Variants in GRID2 observed in about 807,000 individuals in gnomAD.
The protein encoded by GRID2 is glutamate ionotropic receptor delta type subunit 2, also known as glutamate receptor ionotropic, delta-2.
Under a neutral mutation model 114.8 loss-of-function variants are expected in GRID2, and 33 were observed. That is an observed-to-expected ratio of 0.29 (90% confidence interval 0.22 to 0.38). GRID2 has a LOEUF of 0.38. Among genes scored for constraint, GRID2 ranks in the 10% least tolerant of loss-of-function variants. The probability of loss-of-function intolerance (pLI) is 1.00; values close to 1 mark genes in which losing one functional copy is unlikely to be tolerated. For synonymous variants in GRID2, 505 were observed against 449.9 expected, an observed-to-expected ratio of 1.12 and a Z score of -1.55; for missense variants, 1,184 against 1,257.7, an observed-to-expected ratio of 0.94 and a Z score of 0.89.
intron 13 of GRID2, among the ~76,000 whole-genome samples, chr4:93,578,021 T>A (rs1372857361): frequency 6.6e-6 from 1 of 152,204 alleles, no homozygotes; most frequent in Non-Finnish European, 1.5e-5. Flanking sequence ...AATTGCTCTC[T>A]GGATGTGTGT....
chr4:93,508,711 G>T (rs1728887441), intron 12 of GRID2, among the ~76,000 whole-genome samples: 2 of 152,146 alleles, frequency 1.3e-5, no homozygotes, highest in South Asian at 2.1e-4. Flanking sequence ...GCTAGATCTG[G>T]ATTTCAAAGA....
At chr4:92,809,034 T>C (rs922703558) in intron 2 of GRID2, among the ~76,000 whole-genome samples, 5 of 151,920 alleles carry the variant, frequency 3.3e-5, no homozygotes, top group African/African-American at 9.7e-5. Flanking sequence ...CATAGTATAA[T>C]TGCGGAAATA....
chr4:93,210,780 A>C (rs996966497), intron 5 of GRID2, among the ~76,000 whole-genome samples: 2 of 152,034 alleles, frequency 1.3e-5, no homozygotes, highest in African/African-American at 4.8e-5. Flanking sequence ...TGAAATTTCT[A>C]CTGCCTCAGT....
chr4:92,540,212 A>G (rs1235003239), intron 1 of GRID2, among the ~76,000 whole-genome samples: 4 of 152,162 alleles, frequency 2.6e-5, no homozygotes, highest in Non-Finnish European at 5.9e-5. Context: ...AACCTAGGCA[A>G]TACCATTCAG....
In GRID2 at chr4:93,704,212, A is replaced by G. The variant is rs561157129; in HGVS notation, c.2361-64998A>G. ...TCTAATTGGTGTGAGATGGTATCTC[A>G]TTGTGGTTTTGATTTGCATTTCTCT... is the stretch of plus-strand genomic sequence containing the variant. On this transcript the variant is annotated intron_variant, in intron 14 of 15. Coordinates refer to ENST00000282020, the MANE Select transcript of GRID2 (RefSeq NM_001510.4). 5.5e-3 allele frequency among the ~76,000 whole-genome samples: 832 copies of G among 152,178 alleles called. 6 individuals carry two copies. The highest frequency in any genetic ancestry group is 0.019 in the African/African-American group (789 of 41,504).
intron 8 of GRID2, among the ~76,000 whole-genome samples, chr4:93,271,222 T>C (rs896396513): frequency 1.3e-5 from 2 of 152,152 alleles, no homozygotes; most frequent in Non-Finnish European, 2.9e-5. Context: ...CCTGATAGAA[T>C]GCCAGGGGTT....
intron 2 of GRID2, among the ~76,000 whole-genome samples, chr4:92,929,127 ACT>A (rs780904140): frequency 2.2e-4 from 34 of 151,448 alleles, no homozygotes; most frequent in African/African-American, 7.2e-4. Context: ...AAAAAGGCAA[ACT>A]CTGTAAATCC....
At chr4:93,020,889 G>A (rs1037597736) in intron 2 of GRID2, among the ~76,000 whole-genome samples, 11 of 151,892 alleles carry the variant, frequency 7.2e-5, no homozygotes, top group Middle Eastern at 3.4e-3. Context: ...AAAATTAGCC[G>A]GGCATGGTGG....
chr4:93,545,799 A>G (rs1315781349), intron 13 of GRID2, among the ~76,000 whole-genome samples: 4 of 152,160 alleles, frequency 2.6e-5, no homozygotes, highest in Admixed American at 2.0e-4. Flanking sequence ...ACAAAAAAAT[A>G]TTTTTCAGAA....
At chr4:92,363,814 G>C (rs1177634023) in intron 1 of GRID2, among the ~76,000 whole-genome samples, 1 of 137,104 alleles carries the variant, frequency 7.3e-6, no homozygotes, top group Non-Finnish European at 1.6e-5. Context: ...CTAGAATTAA[G>C]TTTACTTTTT....
chr4:93,166,745 A>G (rs1738286020), intron 4 of GRID2, among the ~76,000 whole-genome samples: 1 of 152,052 alleles, frequency 6.6e-6, no homozygotes, highest in Admixed American at 6.6e-5. Flanking sequence ...AACCACCCTT[A>G]ATGTCTGTTC....
chr4:92,430,194 G>A (rs552970084), intron 1 of GRID2, among the ~76,000 whole-genome samples: 1 of 152,176 alleles, frequency 6.6e-6, no homozygotes, highest in African/African-American at 2.4e-5. Context: ...CAATGTCGTG[G>A]AAAGTTTCCC....
Position 92,617,657 on chromosome 4 carries a change from C to T in GRID2, c.244+27371C>T, listed in dbSNP as rs538284048. On this transcript the variant is annotated intron_variant, in intron 2 of 15. Transcript: ENST00000282020. Reference sequence around the variant, plus strand: ...CATTTCCTTCCTTTTCTCTACATCCCGGCCAGCATTTTTTATTTTTTGTTA... The same window carrying T: ...CATTTCCTTCCTTTTCTCTACATCCTGGCCAGCATTTTTTATTTTTTGTTA... Among the ~76,000 whole-genome samples the T allele has an allele frequency of 3.7e-4, 56 of 151,674 alleles. 1 individual carries two copies. Among genetic ancestry groups the T allele is most frequent in the Middle Eastern group, 3.4e-3 (1 of 294 alleles).
rs1195070595 is a variant in GRID2 at position 93,758,415 on chromosome 4, G to C, written c.2361-10795G>C. Among the ~76,000 whole-genome samples, 4 of 152,094 alleles carry C rather than the reference G, an allele frequency of 2.6e-5. No individual in the cohort carries two copies. The South Asian group carries it at 6.2e-4, about 24-fold the overall frequency. On this transcript the variant is annotated intron_variant, in intron 14 of 15. Transcript: ENST00000282020. ...GTATCAGTGTACAACCTCTAACTTA[G>C]ATGTTGTTTGCATCATAAAATAATT...
At chr4:92,724,070 C>A (rs781646234) in intron 2 of GRID2, among the ~76,000 whole-genome samples, 9 of 151,942 alleles carry the variant, frequency 5.9e-5, no homozygotes, top group Non-Finnish European at 1.3e-4. Context: ...GAGGGTTTAT[C>A]AATTAAAATT....
chr4:92,960,029 A>G lies in GRID2; in HGVS notation c.245-124966A>G, dbSNP rs375707514. On this transcript the variant is annotated intron_variant, in intron 2 of 15. Transcript: ENST00000282020. ...TTTAAAAAAAAAGGAGAGAAGAGAA[A>G]AAAAGGGGTGTATTTGTTTAATTTC... is the stretch of plus-strand genomic sequence containing the variant. Among the ~76,000 whole-genome samples, 11 of 152,058 alleles carry G rather than the reference A, an allele frequency of 7.2e-5. No homozygotes were observed. The East Asian group carries it at 1.7e-3, about 24-fold the overall frequency.
At chr4:92,742,447 A>G (rs1329202359) in intron 2 of GRID2, among the ~76,000 whole-genome samples, 1 of 151,432 alleles carries the variant, frequency 6.6e-6, no homozygotes, top group East Asian at 1.9e-4. Flanking sequence ...TCTGTGTTAT[A>G]TTTTTGGAAA....
At chr4:93,720,484 TA>T (rs1231370169) in intron 14 of GRID2, among the ~76,000 whole-genome samples, 38 of 152,284 alleles carry the variant, frequency 2.5e-4, no homozygotes, top group African/African-American at 6.7e-4. Flanking sequence ...AGTCAGGAAG[TA>T]AATACAGAAT....
At chr4:92,379,604 CA>C (rs1339783929) in intron 1 of GRID2, among the ~76,000 whole-genome samples, 3 of 151,646 alleles carry the variant, frequency 2.0e-5, no homozygotes, top group African/African-American at 4.8e-5. Flanking sequence ...TATTATTTTA[CA>C]AGAAGAAAAA....
Sources: allele counts gnomAD v4.1 joint callset (sites outside exome capture counted in the v4.1 genomes callset), GRCh38; gene constraint gnomAD v4.1.1; transcripts MANE v1.5; gene names NCBI Gene and HGNC (gene_info 2026-07-23, HGNC 2026-07-21).